ZBTB20: variants seen among roughly 807,000 people sequenced by gnomAD.
The protein encoded by ZBTB20 is zinc finger and BTB domain containing 20, also known as zinc finger and BTB domain-containing protein 20.
ZBTB20 carries 9 observed loss-of-function variants against 56.9 expected under a neutral mutation model. The observed-to-expected ratio is 0.16, with a 90% confidence interval of 0.10 to 0.28. ZBTB20 has a LOEUF of 0.28. Ranked by LOEUF, ZBTB20 falls within the 10% of genes least tolerant of loss-of-function variation. The pLI is 1.00. For missense variants in ZBTB20, 655 were observed against 1,003.0 expected (o/e 0.65, Z 4.69); for synonymous variants, 417 against 420.7 (o/e 0.99, Z 0.11).
chr3:114,693,860 T>G (rs1034108929), intron 5 of ZBTB20, among the ~76,000 whole-genome samples: 1 of 152,118 alleles, frequency 6.6e-6, no homozygotes, highest in Admixed American at 6.6e-5. Context: ...TAACTTGTGT[T>G]GAGAAGGTTA....
rs562210761 is a variant in ZBTB20 at position 114,857,413 on chromosome 3, A to G, written c.-417+42891T>C. Among the ~76,000 whole-genome samples the G allele has an allele frequency of 1.1e-4, 16 of 152,338 alleles. No individual in the cohort carries two copies. In the South Asian group the frequency reaches 3.3e-3, roughly 32 times the overall value. On this transcript the variant is annotated intron_variant, in intron 4 of 11. Transcript: ENST00000675478. ...TTTACAAAATATTTAAGGACAGGAT[A>G]TGAATAAATAAGCTAAAACCACAGA... is the stretch of plus-strand genomic sequence containing the variant.
intron 6 of ZBTB20, among the ~76,000 whole-genome samples, chr3:114,668,756 A>G (rs1025942681): frequency 2.0e-5 from 3 of 152,052 alleles, no homozygotes; most frequent in Non-Finnish European, 4.4e-5. Context: ...TAATAACGAG[A>G]CCAATAAATA....
At chr3:114,387,765 G>A (rs1369495198) in intron 8 of ZBTB20, 1 of 152,144 alleles carries the variant, frequency 6.6e-6, no homozygotes, top group African/African-American at 2.4e-5. Flanking sequence ...GATGAATGAA[G>A]GTATATACAA....
chr3:114,607,950 G>A (rs902242288), intron 6 of ZBTB20, among the ~76,000 whole-genome samples: 1 of 152,126 alleles, frequency 6.6e-6, no homozygotes, highest in Non-Finnish European at 1.5e-5. Context: ...GTGCAACCTC[G>A]TAATTCTTTA....
chr3:114,489,957 TA>T (rs2042554980), intron 7 of ZBTB20, among the ~76,000 whole-genome samples: 1 of 152,214 alleles, frequency 6.6e-6, no homozygotes, highest in African/African-American at 2.4e-5. Context: ...TGTTGGAAGT[TA>T]TAAACTTCCA....
chr3:114,517,701 T>C (rs1358017968), intron 6 of ZBTB20, among the ~76,000 whole-genome samples: 4 of 151,756 alleles, frequency 2.6e-5, no homozygotes, highest in Admixed American at 6.6e-5. Flanking sequence ...TCAGCCTCCC[T>C]AGTAGCTGGG....
chr3:115,145,430 T>C (rs1424505723), intron 1 of ZBTB20, among the ~76,000 whole-genome samples: 2 of 152,214 alleles, frequency 1.3e-5, no homozygotes, highest in Non-Finnish European at 2.9e-5. Context: ...TAAAATAGTG[T>C]AGTATTTGCA....
intron 7 of ZBTB20, among the ~76,000 whole-genome samples, chr3:114,486,257 G>GA (rs71146324): frequency 0.5 from 76,164 of 151,400 alleles, 21,898 homozygotes; most frequent in Non-Finnish European, 0.65. Context: ...ATTTGGGATG[G>GA]AGTGGTAAAC....
At chr3:114,576,334 C>T (rs1042404807) in intron 6 of ZBTB20, among the ~76,000 whole-genome samples, 1 of 151,050 alleles carries the variant, frequency 6.6e-6, no homozygotes, top group Non-Finnish European at 1.5e-5. Context: ...CCCGTCTCTA[C>T]TAAAAATACA....
At chr3:114,892,307 T>A (rs967334191) in intron 4 of ZBTB20, among the ~76,000 whole-genome samples, 2 of 152,198 alleles carry the variant, frequency 1.3e-5, no homozygotes, top group South Asian at 4.1e-4. Context: ...TCTGTGCCAA[T>A]AAGACTGTGC....
intron 3 of ZBTB20, among the ~76,000 whole-genome samples, chr3:114,922,428 C>CA (rs1328915907): frequency 1.3e-5 from 2 of 149,940 alleles, no homozygotes; most frequent in South Asian, 2.1e-4. Flanking sequence ...AAGACTGCAG[C>CA]AAAAAAAGAA....
chr3:114,570,043 C>T (rs937638027), intron 6 of ZBTB20, among the ~76,000 whole-genome samples: 2 of 132,294 alleles, frequency 1.5e-5, no homozygotes, highest in Admixed American at 7.2e-5. Context: ...CATTCAATTA[C>T]GCACTTCAAT....
At chr3:114,996,643 T>C (rs1002107364) in intron 2 of ZBTB20, among the ~76,000 whole-genome samples, 1 of 152,022 alleles carries the variant, frequency 6.6e-6, no homozygotes, top group African/African-American at 2.4e-5. Flanking sequence ...GTCTTTGTTA[T>C]TGTGAACAGT....
At chr3:114,349,866 T>C (rs2080502533) in intron 11 of ZBTB20, among the ~76,000 whole-genome samples, 1 of 152,224 alleles carries the variant, frequency 6.6e-6, no homozygotes, top group Non-Finnish European at 1.5e-5. Context: ...AGTTAAGTAA[T>C]TTTTCCAAGG....
At chr3:114,985,397 T>A (rs1430889943) in intron 2 of ZBTB20, among the ~76,000 whole-genome samples, 1 of 152,092 alleles carries the variant, frequency 6.6e-6, no homozygotes, top group African/African-American at 2.4e-5. Context: ...ATTTAAGAGA[T>A]AGGTCCAAGA....
intron 5 of ZBTB20, among the ~76,000 whole-genome samples, chr3:114,798,617 C>T (rs2071498375): frequency 6.6e-6 from 1 of 151,872 alleles, no homozygotes; most frequent in African/African-American, 2.4e-5. Context: ...TTTGTGTAAC[C>T]TTTGTGCCCT....
At chr3:114,480,402 T>C (rs2041396184) in intron 7 of ZBTB20, among the ~76,000 whole-genome samples, 2 of 152,222 alleles carry the variant, frequency 1.3e-5, no homozygotes, top group South Asian at 4.1e-4. Context: ...TATTACTATG[T>C]TTAAAGATAC....
intron 3 of ZBTB20, among the ~76,000 whole-genome samples, chr3:114,966,026 T>C (rs2108002536): frequency 6.6e-6 from 1 of 152,278 alleles, no homozygotes; most frequent in African/African-American, 2.4e-5. Flanking sequence ...TTAAAATCCA[T>C]AAACTAATGA....
intron 7 of ZBTB20, among the ~76,000 whole-genome samples, chr3:114,406,251 C>A (rs1380521086): frequency 6.6e-6 from 1 of 152,074 alleles, no homozygotes; most frequent in East Asian, 1.9e-4. Context: ...CTTCAGAGAT[C>A]CTGTTATTAA....
Sources: gnomAD v4.1 joint callset for allele counts (sites outside exome capture counted in the v4.1 genomes callset) on GRCh38, gnomAD v4.1.1 for gene constraint, MANE v1.5 for transcripts, NCBI Gene and HGNC (gene_info 2026-07-23, HGNC 2026-07-21) for gene names.